The following MAP2 variants were observed in gnomAD, a reference collection of about 807,000 sequenced individuals.
MAP2 encodes the protein microtubule associated protein 2, also known as microtubule-associated protein 2.
In MAP2, 14 loss-of-function variants were observed where a neutral mutation model predicts 137.6. That is an observed-to-expected ratio of 0.10 (90% CI 0.07 to 0.16). The LOEUF (loss-of-function observed/expected upper bound fraction) is 0.16, where lower values mean the gene tolerates loss of function less well. MAP2 is among the 10% of genes least tolerant of loss of function. The probability of loss-of-function intolerance (pLI) is 1.00; values close to 1 mark genes in which losing one functional copy is unlikely to be tolerated. For missense variants in MAP2, 2,088 were observed against 2,191.5 expected (o/e 0.95, Z 0.94); for synonymous variants, 786 against 782.3 (o/e 1.00, Z -0.08).
At chr2:209,540,097 TA>T (rs35280709) in intron 2 of MAP2, among the ~76,000 whole-genome samples, 2,419 of 39,388 alleles carry the variant, frequency 0.061, 32 homozygotes, top group African/African-American at 0.096. Flanking sequence ...GGAGACGTTG[TA>T]AAAAAAAAAA....
intron 13 of MAP2, chr2:209,723,656 A>G (rs375852535): frequency 2.5e-6 from 4 of 1,613,964 alleles, no homozygotes; most frequent in Non-Finnish European, 3.4e-6. Context: ...GGTTCCAAGG[A>G]TAACATCAAA....
chr2:209,630,100 C>T (rs982418061), intron 4 of MAP2, among the ~76,000 whole-genome samples: 1 of 152,026 alleles, frequency 6.6e-6, no homozygotes, highest in African/African-American at 2.4e-5. Context: ...GTGGTCCAGG[C>T]ATGGTTACTA....
intron 1 of MAP2, among the ~76,000 whole-genome samples, chr2:209,492,850 A>G (rs2059291875): frequency 6.6e-6 from 1 of 152,234 alleles, no homozygotes; most frequent in African/African-American, 2.4e-5. Flanking sequence ...TATCATGAAA[A>G]TGGCCATACT....
intron 2 of MAP2, among the ~76,000 whole-genome samples, chr2:209,540,715 C>T (rs1577574019): frequency 2.2e-5 from 3 of 138,034 alleles, no homozygotes; most frequent in Non-Finnish European, 4.6e-5. Flanking sequence ...ATGTCATTGA[C>T]TAAATATATA....
At chr2:209,708,735 A>C (rs560372225) in intron 12 of MAP2, among the ~76,000 whole-genome samples, 6 of 152,200 alleles carry the variant, frequency 3.9e-5, no homozygotes, top group Non-Finnish European at 8.8e-5. Flanking sequence ...TAAAAAATGA[A>C]AATTATCCCT....
At chr2:209,623,756 A>G (rs2091752561) in intron 3 of MAP2, among the ~76,000 whole-genome samples, 1 of 152,180 alleles carries the variant, frequency 6.6e-6, no homozygotes, top group African/African-American at 2.4e-5. Context: ...GCTGGACTAA[A>G]GAAAAAAAAA....
At chr2:209,661,659 A>G (rs1421556762) in intron 5 of MAP2, 4 of 985,360 alleles carry the variant, frequency 4.1e-6, no homozygotes, top group Admixed American at 6.1e-5. Flanking sequence ...AAGGATTGAT[A>G]GAAAAGGCAG....
At chr2:209,461,305 C>T (rs978047929) in intron 1 of MAP2, among the ~76,000 whole-genome samples, 1 of 152,174 alleles carries the variant, frequency 6.6e-6, no homozygotes, top group Admixed American at 6.5e-5. Flanking sequence ...AGTTGCACTG[C>T]CCTCATTTCA....
chr2:209,550,893 G>T (rs1029473172), intron 2 of MAP2, among the ~76,000 whole-genome samples: 2 of 152,044 alleles, frequency 1.3e-5, no homozygotes, highest in African/African-American at 4.8e-5. Flanking sequence ...ATACTAAATC[G>T]TGTGTATAAC....
chr2:209,466,281 G>A (rs1236013162), intron 1 of MAP2, among the ~76,000 whole-genome samples: 3 of 152,108 alleles, frequency 2.0e-5, no homozygotes, highest in Non-Finnish European at 4.4e-5. Context: ...ACAAATAAAT[G>A]TATACACTTG....
intron 11 of MAP2, among the ~76,000 whole-genome samples, chr2:209,701,135 T>G (rs1222498328): frequency 6.6e-6 from 1 of 152,026 alleles, no homozygotes; most frequent in Non-Finnish European, 1.5e-5. Flanking sequence ...TTTAAAGTTT[T>G]TGCTGCATAT....
chr2:209,723,182 G>A (rs2072055629), intron 13 of MAP2, among the ~76,000 whole-genome samples: 3 of 152,214 alleles, frequency 2.0e-5, no homozygotes, highest in African/African-American at 7.2e-5. Context: ...CTCTGATGGG[G>A]CGAGGGAATG....
intron 2 of MAP2, among the ~76,000 whole-genome samples, chr2:209,546,342 G>A (rs2068061516): frequency 6.6e-6 from 1 of 151,902 alleles, no homozygotes; most frequent in East Asian, 1.9e-4. Flanking sequence ...GACACAAATT[G>A]TATGTTTGTG....
Position 209,695,151 on chromosome 2 carries a change from T to A in MAP2, c.2981T>A (p.Val994Glu), listed in dbSNP as rs1182655484. 2 of 1,613,692 alleles carry A rather than the reference T, an allele frequency of 1.2e-6. No homozygotes were observed. Among genetic ancestry groups the A allele is most frequent in the Non-Finnish European group, 1.7e-6 (2 of 1,179,912 alleles). ...GAAATAGAAACATTCGGATTAGGAGTAACCTATGAGCAAGCTTTGGCCAAA... is the reference window on the plus strand; with the variant it reads ...GAAATAGAAACATTCGGATTAGGAGAAACCTATGAGCAAGCTTTGGCCAAA... ...GDEIETFGLGVTYEQALAKDL... is the reference protein window; with the variant it reads ...GDEIETFGLGETYEQALAKDL... Residue 994 changes from valine to glutamate, a missense_variant, in exon 8 of 16, where the codon GTA becomes GAA. Around this residue, in one of 6 missense-constraint regions of MAP2, gnomAD observed 500 missense variants for 482.9 expected, o/e 1.04. Transcript: ENST00000682079.
chr2:209,656,113 T>C (rs16843400), intron 5 of MAP2, among the ~76,000 whole-genome samples: 5,036 of 152,280 alleles, frequency 0.033, 271 homozygotes, highest in African/African-American at 0.11. Context: ...TGTTCATCTT[T>C]ATTATGGGCA....
intron 1 of MAP2, among the ~76,000 whole-genome samples, chr2:209,499,743 G>A (rs2060162681): frequency 6.6e-6 from 1 of 152,164 alleles, no homozygotes. Context: ...CATGGTGAAA[G>A]CAGGAGCAAG....
At chr2:209,699,038 T>C (rs1292666435) in intron 10 of MAP2, among the ~76,000 whole-genome samples, 2 of 152,206 alleles carry the variant, frequency 1.3e-5, no homozygotes, top group Non-Finnish European at 2.9e-5. Flanking sequence ...TTTGAACTAA[T>C]GAAGATTTTC....
intron 1 of MAP2, among the ~76,000 whole-genome samples, chr2:209,462,537 C>T (rs1482578878): frequency 6.6e-6 from 1 of 152,120 alleles, no homozygotes; most frequent in Non-Finnish European, 1.5e-5. Flanking sequence ...AACCTAGGAG[C>T]TGGGATCCAA....
At chr2:209,609,620 A>G (rs951376136) in intron 3 of MAP2, among the ~76,000 whole-genome samples, 3 of 152,172 alleles carry the variant, frequency 2.0e-5, no homozygotes, top group Non-Finnish European at 4.4e-5. Context: ...TTCACTTAGC[A>G]TCGTATTTTC....
Sources: gnomAD v4.1 joint callset for allele counts (sites outside exome capture counted in the v4.1 genomes callset) on GRCh38, gnomAD v4.1.1 for gene constraint, gnomAD v4.1.1 regional missense constraint, MANE v1.5 for transcripts, NCBI Gene and HGNC (gene_info 2026-07-23, HGNC 2026-07-21) for gene names.